The following CDHR2 variants were observed in gnomAD, a reference collection of about 807,000 sequenced individuals.
CDHR2 encodes cadherin related family member 2, also known as cadherin-related family member 2.
CDHR2 carries 104 observed loss-of-function variants against 138.6 expected under a neutral mutation model. The ratio of observed to expected loss-of-function variants is 0.75; its 90% CI spans 0.64 to 0.88. The LOEUF (loss-of-function observed/expected upper bound fraction) is 0.88. CDHR2 is among the 40% of genes least tolerant of loss of function. CDHR2 has a pLI of 0.00. For synonymous variants in CDHR2, 755 were observed against 742.8 expected, an observed-to-expected ratio of 1.02 and a Z score of -0.27; for missense variants, 1,624 against 1,727.6, an observed-to-expected ratio of 0.94 and a Z score of 1.06.
At chr5:176,555,099 A>G (rs1026709738) in intron 1 of CDHR2, among the ~76,000 whole-genome samples, 1 of 152,172 alleles carries the variant, frequency 6.6e-6, no homozygotes, top group African/African-American at 2.4e-5. Flanking sequence ...ACATCTTTCT[A>G]CATCATTGCC....
In CDHR2 at chr5:176,584,911, A is replaced by G. The variant is rs201825073; in HGVS notation, c.2630A>G (p.Asn877Ser). 7.4e-6 allele frequency: 12 copies of G among 1,611,786 alleles called. 1 individual carries two copies. In the East Asian group the frequency reaches 1.8e-4, roughly 24 times the overall value. Residue 877 changes from asparagine (N) to serine (S), a missense_variant, in exon 19 of 32, where the codon AAC (asparagine) becomes AGC (serine). Transcript: ENST00000261944. ...GCGGCCAACGGCTCTGTGTACATCA[A>G]CCAGAGCAAAGCCATCGACTACGAG... ...SVAANGSVYI[N>S]QSKAIDYEAC...
At chr5:176,590,783 C>A in intron 28 of CDHR2, 96 bp downstream of exon 28, 1 of 1,532,464 alleles carries the variant, frequency 6.5e-7, no homozygotes, top group Non-Finnish European at 8.9e-7. Flanking sequence ...GGCTTAGGCA[C>A]AGGTATACAT....
Position 176,595,643 on chromosome 5 carries a change from A to G in CDHR2, c.3904A>G (p.Asn1302Asp). The G allele has an allele frequency of 1.9e-6, 3 of 1,608,554 alleles. No homozygotes were observed. Among genetic ancestry groups the G allele is most frequent in the East Asian group, 2.3e-5 (1 of 44,416 alleles). Residue 1302 changes from asparagine (N) to aspartate (D), a missense_variant, in exon 32 of 32, where the codon AAC becomes GAC. This residue lies in a region of CDHR2 where 556 missense variants were observed against 565.7 expected (regional missense o/e 0.98). Coordinates refer to ENST00000261944, the MANE Select transcript of CDHR2 (RefSeq NM_017675.6). ...SGQLEGPSYT[N>D]AGLDTTDL ...ACAGCTGGAGGGGCCATCCTACACC[A>G]ACGCTGGCCTGGACACCACGGACCT...
chr5:176,552,425 G>A (rs1227520105), intron 1 of CDHR2, among the ~76,000 whole-genome samples: 1 of 152,246 alleles, frequency 6.6e-6, no homozygotes, highest in African/African-American at 2.4e-5. Context: ...CTGGACCTCA[G>A]GAGTGGGAGA....
At chr5:176,563,970 G>A (rs1349841097) in intron 1 of CDHR2, among the ~76,000 whole-genome samples, 1 of 152,112 alleles carries the variant, frequency 6.6e-6, no homozygotes, top group Admixed American at 6.5e-5. Flanking sequence ...AGGAGTTCAA[G>A]CCCAGAAGTT....
At chr5:176,568,539 T>C in intron 3 of CDHR2, 139 bp from the exon 4 acceptor site, 1 of 847,732 alleles carries the variant, frequency 1.2e-6, no homozygotes, top group Non-Finnish European at 1.8e-6. Context: ...ACTTGGCTGA[T>C]GGTTGGGGAG....
At chr5:176,580,404 C>T (rs911998823) in intron 16 of CDHR2, among the ~76,000 whole-genome samples, 3 of 150,482 alleles carry the variant, frequency 2.0e-5, no homozygotes, top group African/African-American at 7.3e-5. Context: ...TGGTGCATGC[C>T]TGTAATCCCA....
chr5:176,569,413 A>G (rs570647745), intron 5 of CDHR2, among the ~76,000 whole-genome samples: 33 of 151,720 alleles, frequency 2.2e-4, no homozygotes, highest in African/African-American at 7.7e-4. Flanking sequence ...CCTCCCGAGT[A>G]GCTGGGACTA....
chr5:176,578,505 T>G lies in CDHR2; in HGVS notation c.1715T>G (p.Leu572Arg). ...DGGNLSSSTTLQIHLLDINDN... is the reference protein window; with the variant it reads ...DGGNLSSSTTRQIHLLDINDN... The stretch of plus-strand genomic sequence containing the variant: ...GGGAACCTGTCCTCCTCCACCACAC[T>G]GCAGATCCACCTGCTGGACATCAAC... Residue 572 changes from leucine (L) to arginine (R), a missense_variant, in exon 16 of 32, where the codon CTG (leucine) becomes CGG (arginine). Coordinates refer to ENST00000261944, the MANE Select transcript of CDHR2 (RefSeq NM_017675.6). 6.2e-7 allele frequency: 1 copy of G among 1,614,020 alleles called. No homozygotes were observed. Among genetic ancestry groups the G allele is most frequent in the African/African-American group, 1.3e-5 (1 of 75,034 alleles).
At chr5:176,581,666 T>C in intron 17 of CDHR2, 84 bp downstream of exon 17, 1 of 1,540,766 alleles carries the variant, frequency 6.5e-7, no homozygotes, top group Non-Finnish European at 8.8e-7. Context: ...ACTTCTGCCC[T>C]CTGCAGCCAG....
At chr5:176,569,080 G>T (rs76943460) in intron 5 of CDHR2, 70 bp downstream of exon 5, 1 of 1,464,890 alleles carries the variant, frequency 6.8e-7, no homozygotes, top group East Asian at 2.3e-5. Flanking sequence ...CCCCACCTCC[G>T]GCAAGCGGAC....
At position 176,585,006 on chromosome 5, in the gene CDHR2, A is replaced by G. The variant is rs1283254559; in HGVS notation, c.2725A>G (p.Ser909Gly). The G allele has an allele frequency of 1.3e-6, 2 of 1,544,690 alleles. No individual in the cohort carries two copies. Among genetic ancestry groups the G allele is most frequent in the African/African-American group, 2.7e-5 (2 of 72,948 alleles). Reference protein sequence around the residue: ...LATDPGFQAYSNNGSLLITIE... With the variant: ...LATDPGFQAYGNNGSLLITIE... ...CACGGACCCCGGCTTCCAGGCCTACAGCAACAATGGTAAGGCAGCCTGTCC... is the reference window on the plus strand; with the variant it reads ...CACGGACCCCGGCTTCCAGGCCTACGGCAACAATGGTAAGGCAGCCTGTCC... Residue 909 changes from serine to glycine, a missense_variant, in exon 19 of 32, where the codon AGC becomes GGC. By Grantham distance (56) the Ser-to-Gly change is moderately conservative. This residue lies in a region of CDHR2 where 556 missense variants were observed against 565.7 expected (regional missense o/e 0.98). Coordinates refer to ENST00000261944, the MANE Select transcript of CDHR2 (RefSeq NM_017675.6).
At chr5:176,565,425 G>A in intron 2 of CDHR2, 21 bp downstream of exon 2, 1 of 1,612,000 alleles carries the variant, frequency 6.2e-7, no homozygotes, top group Non-Finnish European at 8.5e-7. Context: ...CCCCTCCCCA[G>A]CCACGCAGCC....
At chr5:176,591,724 ATGGTGATGGTTG>A in intron 30 of CDHR2, 1 of 440,838 alleles carries the variant, frequency 2.3e-6, no homozygotes, top group Non-Finnish European at 4.2e-6. Flanking sequence ...TGTTGAGGTG[ATGGTGATGGTTG>A]TGATGGTGAT....
rs753793039 is a variant in CDHR2, at chr5:176,590,690, G to A, written c.3539+3G>A. 4.7e-5 allele frequency: 76 copies of A among 1,612,902 alleles called. No homozygotes were observed. In the East Asian group the frequency reaches 1.7e-3, roughly 35 times the overall value. Reference sequence around the variant, plus strand: ...GCCTTCGTGTGTGTGCGGAAGAGGTGCGGCTCCCATTGCCCCCGTGTCTCC... The same window carrying A: ...GCCTTCGTGTGTGTGCGGAAGAGGTACGGCTCCCATTGCCCCCGTGTCTCC... On this transcript the variant is annotated splice_donor_region_variant and intron_variant, in intron 28 of 31. Transcript: ENST00000261944.
At chr5:176,558,841 G>A (rs1021386425) in intron 1 of CDHR2, among the ~76,000 whole-genome samples, 1 of 152,182 alleles carries the variant, frequency 6.6e-6, no homozygotes. Flanking sequence ...TTTCTACATG[G>A]TATCATAAGT....
rs1304045352 is a variant in CDHR2 at position 176,578,578 on chromosome 5, G to A, written c.1788G>A (p.Glu596=). 2 of 1,613,110 alleles carry A rather than the reference G, an allele frequency of 1.2e-6. No individual in the cohort carries two copies. The highest frequency in any genetic ancestry group is 1.3e-5 in the African/African-American group (1 of 74,946). The stretch of plus-strand genomic sequence containing the variant: ...GCTCCTACAACATCTTCGTCCAGGA[G>A]GAGGAGGGCAATGTCTCCGTGACCA... The part of the protein sequence containing the change: ...VSGSYNIFVQ[E]EEGNVSVTIQ... Residue 596 remains glutamate (E), a synonymous_variant, in exon 16 of 32, where the codon GAG becomes GAA. Coordinates refer to ENST00000261944, the MANE Select transcript of CDHR2 (RefSeq NM_017675.6).
upstream of CDHR2, among the ~76,000 whole-genome samples, chr5:176,546,281 A>G (rs1199931001): frequency 6.6e-6 from 1 of 152,166 alleles, no homozygotes; most frequent in Non-Finnish European, 1.5e-5. Flanking sequence ...TCGGGTGGTG[A>G]TCTAATCTGT....
At chr5:176,567,436 C>T (rs1342922427) in intron 3 of CDHR2, among the ~76,000 whole-genome samples, 1 of 152,142 alleles carries the variant, frequency 6.6e-6, no homozygotes, top group Non-Finnish European at 1.5e-5. Context: ...TCCCAAAGTG[C>T]TGGGATTACA....
Sources: gnomAD v4.1 joint callset for allele counts (sites outside exome capture counted in the v4.1 genomes callset) on GRCh38, gnomAD v4.1.1 for gene constraint, gnomAD v4.1.1 regional missense constraint, MANE v1.5 for transcripts, NCBI Gene and HGNC (gene_info 2026-07-23, HGNC 2026-07-21) for gene names.